Variants in ZNF83 observed in about 807,000 individuals in gnomAD.
ZNF83 encodes the protein zinc finger protein 816B.
For synonymous variants in ZNF83, 209 were observed against 213.0 expected (o/e 0.98, Z 0.17); for missense variants, 552 against 629.9 (o/e 0.88, Z 1.32).
In ZNF83 at chr19:52,669,545, C is replaced by T. The variant is rs140616492; in HGVS notation, c.-282-8702G>A. 4.0e-3 allele frequency among the ~76,000 whole-genome samples: 603 copies of T among 152,250 alleles called. 1 individual carries two copies. The highest frequency in any genetic ancestry group is 0.013 in the African/African-American group (537 of 41,546). ...TAGCATAAAAAGGAAGAGTTTGCAT[C>T]ATAATTAAAACTCAGTGTTGTACCT... On this transcript the variant is annotated intron_variant, in intron 1 of 5. Coordinates refer to the ZNF83 transcript ENST00000594682.
chr19:52,664,081 A>C (rs1424554539), intron 1 of ZNF83, among the ~76,000 whole-genome samples: 2 of 152,032 alleles, frequency 1.3e-5, no homozygotes, highest in African/African-American at 4.8e-5. Flanking sequence ...ATGAGGATTC[A>C]CCATGTTGGC....
At chr19:52,669,750 G>A (rs915497192) in intron 1 of ZNF83, among the ~76,000 whole-genome samples, 6 of 152,124 alleles carry the variant, frequency 3.9e-5, no homozygotes, top group African/African-American at 1.2e-4. Context: ...CCTCACAGCC[G>A]TAATGGGTGT....
intron 1 of ZNF83, among the ~76,000 whole-genome samples, chr19:52,687,654 TATA>T: frequency 3.1e-5 from 1 of 32,252 alleles, no homozygotes; most frequent in African/African-American, 4.2e-4. Context: ...TATATATATA[TATA>T]ATGTATATAT....
In ZNF83 at chr19:52,635,405, C is replaced by G. The variant is rs1294839874; in HGVS notation, c.-321-252G>C. On this transcript the variant is annotated intron_variant, in intron 1 of 2. Transcript: ENST00000301096. ...GGCTGGAATGAGCTCCTCTTCAGGG[C>G]GCAGACCCAGCCCTGACCAAACCCC... The G allele has an allele frequency of 2.4e-5, 6 of 246,048 alleles. No homozygotes were observed. The East Asian group carries it at 3.1e-4, about 13-fold the overall frequency. 15.2% of individuals were successfully genotyped at this position (246,048 alleles called of 1,614,324 possible).
chr19:52,627,732 C>T (rs1459141152), intron 2 of ZNF83, among the ~76,000 whole-genome samples: 1 of 152,120 alleles, frequency 6.6e-6, no homozygotes, highest in Non-Finnish European at 1.5e-5. Context: ...CCCGATGACA[C>T]GAGTTTACCT....
chr19:52,670,902 G>A (rs1228197350), intron 1 of ZNF83, among the ~76,000 whole-genome samples: 1 of 152,208 alleles, frequency 6.6e-6, no homozygotes, highest in Admixed American at 6.5e-5. Flanking sequence ...TTCAGGTTAA[G>A]ATAAAAGATG....
intron 1 of ZNF83, among the ~76,000 whole-genome samples, chr19:52,685,414 T>C (rs185233377): frequency 8.3e-4 from 127 of 152,256 alleles, no homozygotes; most frequent in Non-Finnish European, 1.4e-3. Context: ...ATCTTTCAAA[T>C]ACCTGGGCTA....
At chr19:52,671,007 A>T (rs1210846750) in intron 1 of ZNF83, among the ~76,000 whole-genome samples, 1 of 152,196 alleles carries the variant, frequency 6.6e-6, no homozygotes, top group African/African-American at 2.4e-5. Flanking sequence ...AAGGTGTTAG[A>T]TTTTTAGTTA....
intron 1 of ZNF83, among the ~76,000 whole-genome samples, chr19:52,681,901 G>A (rs563156243): frequency 3.3e-5 from 5 of 152,280 alleles, no homozygotes; most frequent in African/African-American, 7.2e-5. Flanking sequence ...AGCCTGAAGT[G>A]CAGTGGCACA....
intron 2 of ZNF83, among the ~76,000 whole-genome samples, chr19:52,657,103 G>A (rs906737905): frequency 3.3e-5 from 5 of 151,698 alleles, no homozygotes; most frequent in African/African-American, 1.2e-4. Flanking sequence ...GGGACACAGC[G>A]AGACCCTATC....
At chr19:52,671,900 G>A (rs2061731608) in intron 1 of ZNF83, among the ~76,000 whole-genome samples, 1 of 152,138 alleles carries the variant, frequency 6.6e-6, no homozygotes, top group African/African-American at 2.4e-5. Context: ...TTGCAGTCAA[G>A]TTATTCCGTT....
intron 1 of ZNF83, among the ~76,000 whole-genome samples, chr19:52,671,637 C>G (rs2061728116): frequency 6.6e-6 from 1 of 152,016 alleles, no homozygotes; most frequent in East Asian, 1.9e-4. Flanking sequence ...GAGGGGTGGT[C>G]CCACTATGAT....
chr19:52,648,648 T>G (rs549603152), intron 3 of ZNF83, among the ~76,000 whole-genome samples: 2 of 152,324 alleles, frequency 1.3e-5, no homozygotes, highest in South Asian at 4.1e-4. Context: ...TGTAATCTTG[T>G]TCAGTCCCGC....
At chr19:52,630,021 G>A (rs1487703892) in intron 2 of ZNF83, among the ~76,000 whole-genome samples, 1 of 152,170 alleles carries the variant, frequency 6.6e-6, no homozygotes, top group Non-Finnish European at 1.5e-5. Context: ...CATTCCTCCA[G>A]AACCTCCTCC....
chr19:52,644,934 C>T (rs952862919), intron 3 of ZNF83, among the ~76,000 whole-genome samples: 7 of 149,504 alleles, frequency 4.7e-5, no homozygotes, highest in Non-Finnish European at 8.9e-5. Flanking sequence ...AGCTTGAACC[C>T]GGGAGGAGGA....
At chr19:52,653,262 A>T in intron 3 of ZNF83, 1 of 1,491,046 alleles carries the variant, frequency 6.7e-7, no homozygotes, top group Non-Finnish European at 9.3e-7. Flanking sequence ...GCCTATAATG[A>T]CATGCAAGGT....
At chr19:52,664,922 C>T (rs1157813581) in intron 1 of ZNF83, among the ~76,000 whole-genome samples, 1 of 152,090 alleles carries the variant, frequency 6.6e-6, no homozygotes, top group Non-Finnish European at 1.5e-5. Flanking sequence ...GAAATAGTAC[C>T]TCCCTGAGAA....
At chr19:52,647,013 ATG>A (rs1299432321) in intron 3 of ZNF83, among the ~76,000 whole-genome samples, 1 of 152,140 alleles carries the variant, frequency 6.6e-6, no homozygotes, top group Admixed American at 6.6e-5. Context: ...AGCTTTCTGG[ATG>A]TGAGTCCACT....
chr19:52,620,745 C>T (rs1314811816), intron 2 of ZNF83, among the ~76,000 whole-genome samples: 3 of 152,226 alleles, frequency 2.0e-5, no homozygotes, highest in African/African-American at 4.8e-5. Flanking sequence ...AAGCGAAAAG[C>T]ACAAAAGAAG....
Sources: allele counts gnomAD v4.1 joint callset (sites outside exome capture counted in the v4.1 genomes callset), GRCh38; gene constraint gnomAD v4.1.1; transcripts MANE v1.5; gene names NCBI Gene and HGNC (gene_info 2026-07-23, HGNC 2026-07-21).